TWIST2: variants seen among roughly 807,000 people sequenced by gnomAD.
TWIST2 encodes the protein twist-related protein 2.
Under a neutral mutation model 11.6 loss-of-function variants are expected in TWIST2, and 1 was observed. The ratio of observed to expected loss-of-function variants is 0.09; its 90% CI spans 0.03 to 0.41. The LOEUF is 0.41. Ranked by LOEUF, TWIST2 falls within the 10% of genes least tolerant of loss-of-function variation. TWIST2 has a pLI of 0.98. For missense variants in TWIST2, 168 were observed against 226.4 expected (o/e 0.74, Z 1.66); for synonymous variants, 87 against 96.6 (o/e 0.90, Z 0.58).
intron 1 of TWIST2, among the ~76,000 whole-genome samples, chr2:238,894,295 G>A (rs1011060656): frequency 6.6e-6 from 1 of 152,132 alleles, no homozygotes; most frequent in African/African-American, 2.4e-5. Context: ...GCTGACACGG[G>A]TCTTGTTGCC....
At position 238,863,345 on chromosome 2, in the gene TWIST2, T is replaced by C. The variant is rs1559270376; in HGVS notation, c.*35+14612T>C. 6.6e-6 allele frequency among the ~76,000 whole-genome samples: 1 copy of C among 152,194 alleles called. No individual in the cohort carries two copies. Among genetic ancestry groups the C allele is most frequent in the Non-Finnish European group, 1.5e-5 (1 of 68,050 alleles). ...ATATATTTTTGTATCTTCTGCAATC[T>C]ACATTAAAGATGCCCGTCCATCATT... On this transcript the variant is annotated intron_variant, in intron 1 of 1. Coordinates refer to ENST00000612363, the MANE Select transcript of TWIST2 (RefSeq NM_001271893.4). This position sits in a 1 kb window ranked among gnomAD's most constrained non-coding sequence, Gnocchi z 4.7.
intron 1 of TWIST2, among the ~76,000 whole-genome samples, chr2:238,875,789 A>C (rs1311404514): frequency 6.6e-6 from 1 of 152,250 alleles, no homozygotes; most frequent in Non-Finnish European, 1.5e-5. Context: ...TTCCAAAAAA[A>C]CAAATAAATA....
chr2:238,857,740 C>A, intron 1 of TWIST2, among the ~76,000 whole-genome samples: 1 of 152,040 alleles, frequency 6.6e-6, no homozygotes, highest in East Asian at 1.9e-4. Flanking sequence ...AGTTCGAGAC[C>A]AGCCTGACCA....
At chr2:238,860,292 T>G (rs913349617) in intron 1 of TWIST2, among the ~76,000 whole-genome samples, 47 of 152,334 alleles carry the variant, frequency 3.1e-4, no homozygotes. Context: ...GCACCAGTTG[T>G]GTGTTTTCCT....
chr2:238,870,946 A>C (rs1310003556), intron 1 of TWIST2, among the ~76,000 whole-genome samples: 1 of 13,976 alleles, frequency 7.2e-5, no homozygotes, highest in Non-Finnish European at 1.4e-4. Flanking sequence ...ATACCCCCCA[A>C]ACCCCACACC....
At chr2:238,884,024 A>G (rs1381900189) in intron 1 of TWIST2, among the ~76,000 whole-genome samples, 3 of 152,074 alleles carry the variant, frequency 2.0e-5, no homozygotes, top group Admixed American at 6.6e-5. Flanking sequence ...GGTTAATCCA[A>G]ATTCCCCTAG....
chr2:238,893,026 C>T (rs1693164599), intron 1 of TWIST2, among the ~76,000 whole-genome samples: 1 of 152,278 alleles, frequency 6.6e-6, no homozygotes, highest in Non-Finnish European at 1.5e-5. Flanking sequence ...TGGTTAACCA[C>T]GCCCCCAACT....
intron 1 of TWIST2, among the ~76,000 whole-genome samples, chr2:238,854,644 T>C (rs1293847930): frequency 6.6e-6 from 1 of 152,212 alleles, no homozygotes; most frequent in East Asian, 1.9e-4. Flanking sequence ...CTACTGTTTT[T>C]CTGTCGCTAT....
At chr2:238,850,367 C>T (rs892072909) in intron 1 of TWIST2, among the ~76,000 whole-genome samples, 9 of 152,258 alleles carry the variant, frequency 5.9e-5, no homozygotes, top group African/African-American at 2.2e-4. Context: ...AAATAATGAG[C>T]TTCCATTAGT....
chr2:238,879,358 T>C (rs1692864871), intron 1 of TWIST2, among the ~76,000 whole-genome samples: 1 of 152,170 alleles, frequency 6.6e-6, no homozygotes, highest in African/African-American at 2.4e-5. Flanking sequence ...TCTGGTTTCC[T>C]CTGGTTCTCC....
intron 1 of TWIST2, among the ~76,000 whole-genome samples, chr2:238,908,584 C>T (rs1030342946): frequency 0.58 from 88,327 of 151,846 alleles, 26,951 homozygotes; most frequent in African/African-American, 0.78. Flanking sequence ...TGTGACGTGA[C>T]GACACCACTG....
intron 1 of TWIST2, among the ~76,000 whole-genome samples, chr2:238,883,471 GA>G (rs1337411479): frequency 6.6e-6 from 1 of 152,154 alleles, no homozygotes; most frequent in African/African-American, 2.4e-5. Flanking sequence ...AATAAGGGAA[GA>G]AAAAAACAGA....
intron 1 of TWIST2, among the ~76,000 whole-genome samples, chr2:238,853,297 T>G (rs1692272999): frequency 6.6e-6 from 1 of 151,852 alleles, no homozygotes; most frequent in Admixed American, 6.6e-5. Flanking sequence ...TTTATAAAAA[T>G]TATTCGCCAA....
chr2:238,905,072 G>C (rs1236620334), intron 1 of TWIST2, among the ~76,000 whole-genome samples: 1 of 152,118 alleles, frequency 6.6e-6, no homozygotes, highest in Non-Finnish European at 1.5e-5. Context: ...GGGTGGGCAG[G>C]TGAGGAGATG....
chr2:238,899,734 C>A (rs1693245901), intron 1 of TWIST2, among the ~76,000 whole-genome samples: 1 of 152,164 alleles, frequency 6.6e-6, no homozygotes, highest in African/African-American at 2.4e-5. Flanking sequence ...CTTTAAATAC[C>A]CGACTTGACT....
intron 1 of TWIST2, among the ~76,000 whole-genome samples, chr2:238,862,787 T>G (rs1428107163): frequency 6.6e-6 from 1 of 152,236 alleles, no homozygotes; most frequent in African/African-American, 2.4e-5. Context: ...AATTAAAATG[T>G]CCTGGGAAAT....
At chr2:238,893,728 G>A (rs1261902150) in intron 1 of TWIST2, among the ~76,000 whole-genome samples, 2 of 152,204 alleles carry the variant, frequency 1.3e-5, no homozygotes, top group Non-Finnish European at 2.9e-5. Flanking sequence ...GCCGATCGCC[G>A]GCCGCCATTG....
intron 1 of TWIST2, among the ~76,000 whole-genome samples, chr2:238,899,523 A>G (rs1693244483): frequency 6.6e-6 from 1 of 152,206 alleles, no homozygotes; most frequent in South Asian, 2.1e-4. Flanking sequence ...TGCGCCACAG[A>G]GAGAGGCAGC....
intron 1 of TWIST2, among the ~76,000 whole-genome samples, chr2:238,858,653 C>T (rs1415985589): frequency 3.3e-5 from 5 of 152,180 alleles, no homozygotes; most frequent in Non-Finnish European, 7.3e-5. Context: ...CTCTGGGCCT[C>T]AGTTTCCCCG....
Sources: gnomAD v4.1 joint callset for allele counts (sites outside exome capture counted in the v4.1 genomes callset) on GRCh38, gnomAD v4.1.1 for gene constraint, Gnocchi (gnomAD v3.1) non-coding constraint, MANE v1.5 for transcripts, NCBI Gene and HGNC (gene_info 2026-07-23, HGNC 2026-07-21) for gene names.